Variants in SVEP1 observed in about 807,000 individuals in gnomAD.
The protein encoded by SVEP1 is sushi, von Willebrand factor type A, EGF and pentraxin domain-containing protein 1.
In SVEP1, 164 loss-of-function variants were observed where a neutral mutation model predicts 367.3. That is an observed-to-expected ratio of 0.45 (90% CI 0.39 to 0.51). SVEP1 has a LOEUF of 0.51. Ranked by LOEUF, SVEP1 falls within the 20% of genes least tolerant of loss-of-function variation. The pLI is 0.00. For missense variants in SVEP1, 4,117 were observed against 4,425.3 expected (o/e 0.93, Z 1.98); for synonymous variants, 1,666 against 1,611.6 (o/e 1.03, Z -0.81).
chr9:110,450,139 T>A lies in SVEP1; in HGVS notation c.4023A>T (p.Arg1341=). The change falls in exon 24 of 48, where the codon CGA becomes CGT. Residue 1341 remains arginine (R), a synonymous_variant. Coordinates refer to ENST00000374469, the MANE Select transcript of SVEP1 (RefSeq NM_153366.4). ...CKCPPGFLGT[R]CGKNVDECLS... ...GACACTCATCGACGTTCTTTCCACA[T>A]CGGGTACCCAAAAATCCAGGTGGGC... 6.2e-7 allele frequency: 1 copy of A among 1,613,948 alleles called. No individual in the cohort carries two copies.
At chr9:110,498,999 T>C (rs1341941263) in intron 7 of SVEP1, 42 bp downstream of exon 7, 3 of 1,566,878 alleles carry the variant, frequency 1.9e-6, no homozygotes, top group Admixed American at 3.6e-5. Flanking sequence ...TATGGCAATA[T>C]TAAAAAATTT....
At chr9:110,491,035 T>C (rs1451813924) in intron 8 of SVEP1, among the ~76,000 whole-genome samples, 1 of 152,016 alleles carries the variant, frequency 6.6e-6, no homozygotes, top group Non-Finnish European at 1.5e-5. Context: ...TAAACTATAA[T>C]TTGGAAATAT....
intron 3 of SVEP1, among the ~76,000 whole-genome samples, chr9:110,526,541 A>G (rs1156769706): frequency 6.6e-6 from 1 of 152,114 alleles, no homozygotes; most frequent in Non-Finnish European, 1.5e-5. Flanking sequence ...AAGTGCTATC[A>G]AGGAGGCAGA....
intron 3 of SVEP1, among the ~76,000 whole-genome samples, chr9:110,537,795 A>G (rs1281435891): frequency 1.3e-5 from 2 of 151,972 alleles, no homozygotes; most frequent in East Asian, 3.8e-4. Flanking sequence ...CCTGCCAAAA[A>G]AATTTAGATG....
At chr9:110,426,940 A>G (rs1828262773) in intron 36 of SVEP1, among the ~76,000 whole-genome samples, 1 of 152,128 alleles carries the variant, frequency 6.6e-6, no homozygotes, top group Non-Finnish European at 1.5e-5. Flanking sequence ...TTATGTTATG[A>G]CTTAAGTCTT....
chr9:110,401,079 T>G, intron 39 of SVEP1, 70 bp from the exon 40 acceptor site: 8 of 1,554,340 alleles, frequency 5.1e-6, no homozygotes, highest in Non-Finnish European at 6.1e-6. Flanking sequence ...AATTTGCAAA[T>G]ATTGGTTATT....
chr9:110,466,383 G>A (rs938709791), intron 17 of SVEP1, among the ~76,000 whole-genome samples: 1 of 152,094 alleles, frequency 6.6e-6, no homozygotes, highest in East Asian at 1.9e-4. Context: ...TTCTCAATAC[G>A]TACACTGTTA....
chr9:110,423,184 G>GAAAAAA (rs1404736217), intron 36 of SVEP1, among the ~76,000 whole-genome samples: 1 of 91,030 alleles, frequency 1.1e-5, no homozygotes, highest in Non-Finnish European at 2.2e-5. Flanking sequence ...AAAAAAAAAA[G>GAAAAAA]AAAAAAAAAA....
At chr9:110,496,695 C>G in intron 8 of SVEP1, 120 bp downstream of exon 8, 1 of 640,660 alleles carries the variant, frequency 1.6e-6, no homozygotes, top group Non-Finnish European at 2.7e-6. Flanking sequence ...TTAGTTCTGT[C>G]CCTCTAGAGA....
chr9:110,488,698 A>C (rs1285980259), intron 9 of SVEP1, among the ~76,000 whole-genome samples: 1 of 143,134 alleles, frequency 7.0e-6, no homozygotes, highest in Non-Finnish European at 1.6e-5. Flanking sequence ...TTGTCTCTAC[A>C]AAAAAATTAA....
At chr9:110,448,228 T>G (rs1828637471) in intron 24 of SVEP1, among the ~76,000 whole-genome samples, 1 of 152,150 alleles carries the variant, frequency 6.6e-6, no homozygotes, top group Non-Finnish European at 1.5e-5. Flanking sequence ...CCTTTAAAAC[T>G]TACGTCTTTA....
In SVEP1 at chr9:110,496,878, T is replaced by A. The variant is rs1829456646; in HGVS notation, c.1737A>T (p.Glu579Asp). ...AGGTAACATTGGCAGAATCTTGCTG[T>A]TCCAGAGTCTTAGCCTCTATGTCCT... The part of the protein sequence containing the change: ...CPKDIEAKTL[E>D]QQDSANVTWQ... Residue 579 changes from glutamate (E) to aspartate (D), a missense_variant, in exon 8 of 48, where the codon GAA (glutamate) becomes GAT (aspartate). Glu to Asp is a conservative substitution (Grantham distance 45). Around this residue, in one of 4 missense-constraint regions of SVEP1, gnomAD observed 2,174 missense variants for 2,494.3 expected, o/e 0.87. Transcript: ENST00000374469. 1.9e-6 allele frequency: 3 copies of A among 1,557,524 alleles called. No homozygotes were observed. The East Asian group carries it at 7.1e-5, about 37-fold the overall frequency.
Position 110,568,808 on chromosome 9 carries a change from TAGAA to T in SVEP1, c.531+10201_531+10204del, listed in dbSNP as rs1477490416. The stretch of plus-strand genomic sequence containing the variant: ...ACATTTTAAACACCAACTTTGAAAT[TAGAA>T]AGACAGGCCAGGAGTGATGGCTCAT... On this transcript the variant is annotated intron_variant, in intron 1 of 47. Coordinates refer to ENST00000374469, the MANE Select transcript of SVEP1 (RefSeq NM_153366.4). 4.8e-5 allele frequency among the ~76,000 whole-genome samples: 7 copies of T among 146,316 alleles called. No homozygotes were observed. The East Asian group carries it at 1.2e-3, about 25-fold the overall frequency.
intron 2 of SVEP1, among the ~76,000 whole-genome samples, chr9:110,549,441 T>G (rs1452708574): frequency 1.3e-5 from 2 of 152,096 alleles, no homozygotes; most frequent in African/African-American, 4.8e-5. Flanking sequence ...TATCTTCATG[T>G]GTATTTCTGG....
intron 37 of SVEP1, among the ~76,000 whole-genome samples, chr9:110,409,669 A>G (rs1828014975): frequency 6.6e-6 from 1 of 152,190 alleles, no homozygotes; most frequent in South Asian, 2.1e-4. Context: ...TAGATCATAA[A>G]TAGTCAAATA....
At chr9:110,466,535 G>A (rs1405592710) in intron 17 of SVEP1, among the ~76,000 whole-genome samples, 1 of 151,850 alleles carries the variant, frequency 6.6e-6, no homozygotes, top group Admixed American at 6.6e-5. Context: ...GAGGCGGGCG[G>A]ATCACGAGGT....
rs3180638 is a variant in SVEP1 at position 110,365,553 on chromosome 9, G to A, written c.*986C>T. On this transcript the variant is annotated 3_prime_UTR_variant, in exon 48 of 48. Coordinates refer to ENST00000374469, the MANE Select transcript of SVEP1 (RefSeq NM_153366.4). ...TTTGACTTTATTTTCTGAAGTCTGG[G>A]GAAGGCTTCATCTTGGTACAATTGT... The A allele has an allele frequency of 0.25, 37,830 of 151,916 alleles. 5,236 individuals are homozygous for A. The highest frequency in any genetic ancestry group is 0.36 in the African/African-American group (14,704 of 41,356). The allele number at this position is 151,916 out of a possible 1,614,324, so 9.4% of individuals were successfully genotyped here. A position where few individuals can be genotyped will look rare whatever the true frequency, so the allele number is the denominator to read the frequency against.
chr9:110,579,014 G>A lies in SVEP1; in HGVS notation c.530C>T (p.Ala177Val). The A allele has an allele frequency of 6.5e-7, 1 of 1,545,834 alleles. No individual in the cohort carries two copies. Among genetic ancestry groups the A allele is most frequent in the South Asian group, 1.2e-5 (1 of 83,902 alleles). ...TYTKGAFQQA[A>V]QILLHARENS... ...GGTCGGGAGGGGCGGGCGCCTTACCGCGGCTTGCTGGAAGGCGCCCTTGGT... is the reference window on the plus strand; with the variant it reads ...GGTCGGGAGGGGCGGGCGCCTTACCACGGCTTGCTGGAAGGCGCCCTTGGT... Residue 177 changes from alanine (A) to valine (V), a missense_variant and splice_region_variant, in exon 1 of 48, where the codon GCG becomes GTG. Transcript: ENST00000374469. The surrounding 1 kb of genome is among the most constrained non-coding windows in gnomAD (Gnocchi z 5.3).
At chr9:110,510,883 G>A (rs574093724) in intron 5 of SVEP1, among the ~76,000 whole-genome samples, 3 of 152,354 alleles carry the variant, frequency 2.0e-5, no homozygotes, top group South Asian at 4.1e-4. Flanking sequence ...GTAATGGTAT[G>A]TGGCTTTTTA....
Sources: allele counts gnomAD v4.1 joint callset (sites outside exome capture counted in the v4.1 genomes callset), GRCh38; gene constraint gnomAD v4.1.1; regional missense constraint gnomAD v4.1.1; non-coding constraint Gnocchi (gnomAD v3.1); transcripts MANE v1.5; gene names NCBI Gene and HGNC (gene_info 2026-07-23, HGNC 2026-07-21).